The following IL15RA variants were observed in gnomAD, a reference collection of about 807,000 sequenced individuals.
The protein encoded by IL15RA is interleukin-15 receptor subunit alpha.
Under a neutral mutation model 24.2 loss-of-function variants are expected in IL15RA, and 26 were observed. That is an observed-to-expected ratio of 1.07 (90% CI 0.79 to 1.49). IL15RA has a LOEUF of 1.49. Among genes scored for constraint, IL15RA ranks in the 40% most tolerant of loss-of-function variants. The pLI, the probability that IL15RA is intolerant of heterozygous loss-of-function variation, is 0.00. For missense variants in IL15RA, 354 were observed against 356.4 expected (o/e 0.99, Z 0.05); for synonymous variants, 166 against 157.6 (o/e 1.05, Z -0.40).
rs1288189583 is a variant in IL15RA, at chr10:5,958,306, C to T, written c.616+1448G>A. 2 of 453,804 alleles carry T rather than the reference C, an allele frequency of 4.4e-6. No individual in the cohort carries two copies. The highest frequency in any genetic ancestry group is 8.9e-6 in the Non-Finnish European group (2 of 225,608). 28.1% of individuals were successfully genotyped at this position (453,804 alleles called of 1,614,324 possible). A position where few individuals can be genotyped will look rare whatever the true frequency, so the allele number is the denominator to read the frequency against. On this transcript the variant is annotated intron_variant, in intron 5 of 6. Coordinates refer to ENST00000379977, the MANE Select transcript of IL15RA (RefSeq NM_002189.4). This position sits in a 1 kb window ranked among gnomAD's most constrained non-coding sequence, Gnocchi z 4.3. ...CTCTATATGTTTATTTATACAGTCTCTCTGGAAGGATGCCTGGAAATCTGG... is the reference window on the plus strand; with the variant it reads ...CTCTATATGTTTATTTATACAGTCTTTCTGGAAGGATGCCTGGAAATCTGG...
At chr10:5,957,657 A>G (rs1453179619) in intron 5 of IL15RA, among the ~76,000 whole-genome samples, 2 of 139,100 alleles carry the variant, frequency 1.4e-5, no homozygotes, top group African/African-American at 2.8e-5. Context: ...CAGCGGCTCG[A>G]GTTTGCTCAC....
In IL15RA at chr10:5,964,035, T is replaced by C. The variant is rs1182471277; in HGVS notation, c.284-194A>G. Among the ~76,000 whole-genome samples the C allele has an allele frequency of 6.6e-6, 1 of 152,246 alleles. No homozygotes were observed. Among genetic ancestry groups the C allele is most frequent in the Non-Finnish European group, 1.5e-5 (1 of 68,046 alleles). On this transcript the variant is annotated intron_variant, in intron 2 of 6. Transcript: ENST00000379977. The surrounding 1 kb of genome is among the most constrained non-coding windows in gnomAD (Gnocchi z 5.6). ...AAAGATAGACTGCAAACTATTTTTCTTGCATTTCCAAAAAGACTGCACAAG... is the reference window on the plus strand; with the variant it reads ...AAAGATAGACTGCAAACTATTTTTCCTGCATTTCCAAAAAGACTGCACAAG...
At position 5,964,001 on chromosome 10, in the gene IL15RA, C is replaced by A. The variant is rs1836051497; in HGVS notation, c.284-160G>T. On this transcript the variant is annotated intron_variant, in intron 2 of 6. Coordinates refer to ENST00000379977, the MANE Select transcript of IL15RA (RefSeq NM_002189.4). The surrounding 1 kb of genome is among the most constrained non-coding windows in gnomAD (Gnocchi z 5.6). ...AAGCATAAGAAACAATGTTTCCCCA[C>A]CCGAATGCAAAGATAGACTGCAAAC... Among the ~76,000 whole-genome samples the A allele has an allele frequency of 6.6e-6, 1 of 152,190 alleles. No individual in the cohort carries two copies. The highest frequency in any genetic ancestry group is 2.4e-5 in the African/African-American group (1 of 41,428).
At chr10:5,976,290 G>A (rs950571729) in intron 1 of IL15RA, among the ~76,000 whole-genome samples, 1 of 151,474 alleles carries the variant, frequency 6.6e-6, no homozygotes, top group Admixed American at 6.6e-5. Flanking sequence ...GTGGCAGAGG[G>A]TGGGGGGGCG....
chr10:5,966,159 C>T lies in IL15RA; in HGVS notation c.269G>A (p.Ser90Asn), dbSNP rs1419375877. The T allele has an allele frequency of 6.2e-7, 1 of 1,608,078 alleles. No homozygotes were observed. Among genetic ancestry groups the T allele is most frequent in the South Asian group, 1.1e-5 (1 of 91,006 alleles). ...GGGCTACTCACTAATGCATTTGAGA[C>T]TGGGGGTTGTCCAGTGGGCGACATT... is the stretch of plus-strand genomic sequence containing the variant. Reference protein sequence around the residue: ...ATNVAHWTTPSLKCIRDPALV... With the variant: ...ATNVAHWTTPNLKCIRDPALV... Residue 90 changes from serine (S) to asparagine (N), a missense_variant, in exon 2 of 7, where the codon AGT becomes AAT. Physicochemically the swap from Ser to Asn is conservative, Grantham distance 46 (BLOSUM62 1). Coordinates refer to ENST00000379977, the MANE Select transcript of IL15RA (RefSeq NM_002189.4). The surrounding 1 kb of genome is among the most constrained non-coding windows in gnomAD (Gnocchi z 6.4).
downstream of IL15RA, chr10:5,950,952 C>T (rs1450980527): frequency 6.6e-6 from 1 of 151,948 alleles, no homozygotes; most frequent in African/African-American, 2.4e-5. This position sits in a 1 kb window ranked among gnomAD's most constrained non-coding sequence, Gnocchi z 5.6. Context: ...CCATCCTGGC[C>T]ATCATGGCAA....
At position 5,956,474 on chromosome 10, in the gene IL15RA, G is replaced by A. The variant is rs769796845; in HGVS notation, c.617-20C>T. The A allele has an allele frequency of 8.2e-6, 13 of 1,578,800 alleles. No homozygotes were observed. Among genetic ancestry groups the A allele is most frequent in the African/African-American group, 4.0e-5 (3 of 74,184 alleles). Reference sequence around the variant, plus strand: ...TAGCCACTGAAAGGGAGGAGACCACGCTGAGATACCCAGAAGCACATTCAT... The same window carrying A: ...TAGCCACTGAAAGGGAGGAGACCACACTGAGATACCCAGAAGCACATTCAT... On this transcript the variant is annotated intron_variant, in intron 5 of 6. Transcript: ENST00000379977.
rs1262370388 is a variant in IL15RA at position 5,971,134 on chromosome 10, C to T, written c.89-4795G>A. ...CCCTAGTTATTCAATGTAAACAAGT[C>T]TCACCTTGTTTACAATATTATAAGC... On this transcript the variant is annotated intron_variant, in intron 1 of 6. Coordinates refer to ENST00000379977, the MANE Select transcript of IL15RA (RefSeq NM_002189.4). The surrounding 1 kb of genome is among the most constrained non-coding windows in gnomAD (Gnocchi z 5.5). Among the ~76,000 whole-genome samples the T allele has an allele frequency of 6.6e-6, 1 of 152,190 alleles. No individual in the cohort carries two copies. The highest frequency in any genetic ancestry group is 1.5e-5 in the Non-Finnish European group (1 of 68,030).
chr10:5,953,516 A>G lies in IL15RA; in HGVS notation c.693-310T>C, dbSNP rs1834093453. On this transcript the variant is annotated intron_variant, in intron 6 of 6. Coordinates refer to ENST00000379977, the MANE Select transcript of IL15RA (RefSeq NM_002189.4). The surrounding 1 kb of genome is among the most constrained non-coding windows in gnomAD (Gnocchi z 5.3). ...CCAGAAGTTCAAGACCAACCAGGAC[A>G]ATATGATGAGAATAAATCCTCTCCA... is the stretch of plus-strand genomic sequence containing the variant. Among the ~76,000 whole-genome samples, 1 of 152,190 alleles carries G rather than the reference A, an allele frequency of 6.6e-6. No homozygotes were observed. The highest frequency in any genetic ancestry group is 2.1e-4 in the South Asian group (1 of 4,834).
intron 5 of IL15RA, 66 bp from the exon 6 acceptor site, chr10:5,956,520 T>C: frequency 1.7e-6 from 2 of 1,202,694 alleles, no homozygotes; most frequent in South Asian, 1.2e-5. Flanking sequence ...CACAAATTCT[T>C]TACCATGGAT....
chr10:5,963,486 C>G lies in IL15RA; in HGVS notation c.382+257G>C, dbSNP rs1383343327. 1.3e-5 allele frequency among the ~76,000 whole-genome samples: 2 copies of G among 152,214 alleles called. No individual in the cohort carries two copies. On this transcript the variant is annotated intron_variant, in intron 3 of 6. Transcript: ENST00000379977. This position sits in a 1 kb window ranked among gnomAD's most constrained non-coding sequence, Gnocchi z 5.3. The stretch of plus-strand genomic sequence containing the variant: ...TCTTGACAAAGATAAGTGTCTACAA[C>G]TAAATTTGATATGACATATTAGTGA...
Position 5,966,409 on chromosome 10 carries a change from G to A in IL15RA, c.89-70C>T, listed in dbSNP as rs1414757015. 13 of 1,299,592 alleles carry A rather than the reference G, an allele frequency of 1.0e-5. No homozygotes were observed. Among genetic ancestry groups the A allele is most frequent in the East Asian group, 4.7e-5 (2 of 42,406 alleles). 80.5% of individuals were successfully genotyped at this position (1,299,592 alleles called of 1,614,324 possible). ...TGTAAGAGGCGTTCTCCAGGCACAC[G>A]CAGCGGTAGTCAGTGTCCAGCTTAT... On this transcript the variant is annotated intron_variant, in intron 1 of 6. Coordinates refer to ENST00000379977, the MANE Select transcript of IL15RA (RefSeq NM_002189.4). This position sits in a 1 kb window ranked among gnomAD's most constrained non-coding sequence, Gnocchi z 6.4.
Position 5,958,696 on chromosome 10 carries a change from T to G in IL15RA, c.616+1058A>C, listed in dbSNP as rs1284945165. On this transcript the variant is annotated intron_variant, in intron 5 of 6. Transcript: ENST00000379977. This position sits in a 1 kb window ranked among gnomAD's most constrained non-coding sequence, Gnocchi z 4.3. ...GCTACCTCGCCCAGCCTGATTGTTT[T>G]TTAAACGATTCTAATCAATTAACTG... is the stretch of plus-strand genomic sequence containing the variant. Among the ~76,000 whole-genome samples the G allele has an allele frequency of 6.6e-6, 1 of 152,092 alleles. No homozygotes were observed. Among genetic ancestry groups the G allele is most frequent in the Non-Finnish European group, 1.5e-5 (1 of 68,012 alleles).
At chr10:5,969,851 A>C (rs929968214) in intron 1 of IL15RA, among the ~76,000 whole-genome samples, 1 of 152,228 alleles carries the variant, frequency 6.6e-6, no homozygotes, top group Non-Finnish European at 1.5e-5. Context: ...TTTCTCCAGA[A>C]ATGTTTTATA....
chr10:5,977,283 C>T, intron 1 of IL15RA, 122 bp downstream of exon 1: 1 of 417,800 alleles, frequency 2.4e-6, no homozygotes, highest in Non-Finnish European at 4.0e-6. Context: ...GCGCGCACCG[C>T]GCTCCCGAGG....
chr10:5,954,313 C>A (rs1377565117), intron 6 of IL15RA, among the ~76,000 whole-genome samples: 2 of 152,006 alleles, frequency 1.3e-5, no homozygotes, highest in East Asian at 3.8e-4. Flanking sequence ...CAGGTTTCAC[C>A]ATGTTGGCCA....
Position 5,962,753 on chromosome 10 carries a change from C to A in IL15RA, c.382+990G>T, listed in dbSNP as rs1835814879. Among the ~76,000 whole-genome samples the A allele has an allele frequency of 6.6e-6, 1 of 152,120 alleles. No individual in the cohort carries two copies. The highest frequency in any genetic ancestry group is 2.4e-5 in the African/African-American group (1 of 41,412). On this transcript the variant is annotated intron_variant, in intron 3 of 6. Coordinates refer to ENST00000379977, the MANE Select transcript of IL15RA (RefSeq NM_002189.4). The surrounding 1 kb of genome is among the most constrained non-coding windows in gnomAD (Gnocchi z 5.2). ...GTCCTGTAGTATGAATGACAACAGA[C>A]AGGCCCATCCCCCCGGGGGCAAAGG... is the stretch of plus-strand genomic sequence containing the variant.
intron 6 of IL15RA, among the ~76,000 whole-genome samples, chr10:5,954,245 T>C (rs1188376353): frequency 6.7e-6 from 1 of 149,980 alleles, no homozygotes; most frequent in African/African-American, 2.5e-5. Flanking sequence ...GATGCTGGCT[T>C]GCTGCAGCCT....
intron 1 of IL15RA, among the ~76,000 whole-genome samples, chr10:5,969,303 A>T (rs924816067): frequency 2.0e-5 from 3 of 149,684 alleles, no homozygotes; most frequent in Non-Finnish European, 4.5e-5. Context: ...TTTAAATTAA[A>T]TTTTTTAATT....
Sources: gnomAD v4.1 joint callset for allele counts (sites outside exome capture counted in the v4.1 genomes callset) on GRCh38, gnomAD v4.1.1 for gene constraint, Gnocchi (gnomAD v3.1) non-coding constraint, MANE v1.5 for transcripts, NCBI Gene and HGNC (gene_info 2026-07-23, HGNC 2026-07-21) for gene names.